MAF: variants seen among roughly 807,000 people sequenced by gnomAD.
MAF encodes MAF bZIP transcription factor.
Under a neutral mutation model 22.0 loss-of-function variants are expected in MAF, and 10 were observed. The observed-to-expected ratio is 0.45, with a 90% CI of 0.28 to 0.77. The LOEUF (loss-of-function observed/expected upper bound fraction) is 0.77. Among genes scored for constraint, MAF ranks in the 30% least tolerant of loss-of-function variants. The probability of loss-of-function intolerance (pLI) is 0.12; values close to 1 mark genes in which losing one functional copy is unlikely to be tolerated. For synonymous variants in MAF, 337 were observed against 255.8 expected (o/e 1.32, Z -3.03); for missense variants, 544 against 548.4 (o/e 0.99, Z 0.08).
Position 79,599,932 on chromosome 16 carries a change from C to A in MAF, c.-30G>T. 1 of 1,264,154 alleles carries A rather than the reference C, an allele frequency of 7.9e-7. No homozygotes were observed. 78.3% of individuals were successfully genotyped at this position (1,264,154 alleles called of 1,614,324 possible). A position where few individuals can be genotyped will look rare whatever the true frequency, so the allele number is the denominator to read the frequency against. ...CTGCCGCCGCCGCCGCCGCCGCCGC[C>A]GCTCCGCCAGATGGGCTGCAGGAGA... On this transcript the variant is annotated 5_prime_UTR_variant, in exon 1 of 2. Coordinates refer to ENST00000326043, the MANE Select transcript of MAF (RefSeq NM_005360.5).
the MAF span, among the ~76,000 whole-genome samples, chr16:79,517,670 G>A: frequency 7.0e-3 from 1,063 of 151,160 alleles, 6 homozygotes; most frequent in Non-Finnish European, 9.1e-3. Context: ...TGCCTCCTGG[G>A]TTCCAGTGAT....
At chr16:79,236,689 C>T in the MAF span, among the ~76,000 whole-genome samples, 2 of 152,010 alleles carry the variant, frequency 1.3e-5, no homozygotes, top group Non-Finnish European at 2.9e-5. Flanking sequence ...TCCTTGTCCT[C>T]TGAGTAGGCC....
At chr16:79,253,838 G>A in the MAF span, among the ~76,000 whole-genome samples, 2 of 151,918 alleles carry the variant, frequency 1.3e-5, no homozygotes, top group African/African-American at 2.4e-5. Flanking sequence ...GGATTTCTTT[G>A]TATTGCAATC....
At chr16:79,463,783 G>A in the MAF span, among the ~76,000 whole-genome samples, 1 of 151,826 alleles carries the variant, frequency 6.6e-6, no homozygotes, top group African/African-American at 2.4e-5. Context: ...AACATGCATC[G>A]ACTTTTTTTT....
At chr16:79,411,098 C>G in the MAF span, among the ~76,000 whole-genome samples, 2 of 152,176 alleles carry the variant, frequency 1.3e-5, no homozygotes, top group Admixed American at 6.5e-5. Flanking sequence ...TATTCACCAA[C>G]TCCTCCCTTG....
chr16:79,581,259 T>TA (rs1174820240), downstream of MAF, among the ~76,000 whole-genome samples: 1 of 152,180 alleles, frequency 6.6e-6, no homozygotes, highest in Admixed American at 6.5e-5. Flanking sequence ...CATGTTCGCT[T>TA]TCTCCCCCAT....
At chr16:79,241,451 A>G in the MAF span, among the ~76,000 whole-genome samples, 1 of 152,118 alleles carries the variant, frequency 6.6e-6, no homozygotes, top group East Asian at 1.9e-4. Context: ...CAGATACTGA[A>G]GATTAACTTA....
chr16:79,467,372 C>T, the MAF span, among the ~76,000 whole-genome samples: 1 of 152,224 alleles, frequency 6.6e-6, no homozygotes, highest in African/African-American at 2.4e-5. Flanking sequence ...AGCTGCTTTG[C>T]TCTCCAATGG....
the MAF span, among the ~76,000 whole-genome samples, chr16:79,468,148 C>T: frequency 2.2e-4 from 34 of 152,218 alleles, no homozygotes; most frequent in East Asian, 1.9e-3. Flanking sequence ...ATTTATTCTC[C>T]GCCATTTTCT....
At chr16:79,576,972 C>G in the MAF span, among the ~76,000 whole-genome samples, 18 of 152,250 alleles carry the variant, frequency 1.2e-4, no homozygotes, top group East Asian at 3.1e-3. Flanking sequence ...TTTATCTTCA[C>G]TATCCAGTAA....
chr16:79,225,370 A>C, the MAF span, among the ~76,000 whole-genome samples: 57 of 152,340 alleles, frequency 3.7e-4, no homozygotes, highest in Middle Eastern at 3.4e-3. Flanking sequence ...CTCAAGCTGG[A>C]TTAAAGACCT....
the MAF span, among the ~76,000 whole-genome samples, chr16:79,234,211 T>C: frequency 1.3e-5 from 2 of 152,046 alleles, no homozygotes; most frequent in African/African-American, 4.8e-5. Flanking sequence ...AGACTGCCAA[T>C]TGTGACACTT....
the MAF span, among the ~76,000 whole-genome samples, chr16:79,392,866 C>G: frequency 6.6e-6 from 1 of 152,180 alleles, no homozygotes; most frequent in Non-Finnish European, 1.5e-5. Flanking sequence ...TGGGAATCCA[C>G]TGCTGTACGG....
downstream of MAF, among the ~76,000 whole-genome samples, chr16:79,592,407 G>GA (rs1913241830): frequency 6.6e-6 from 1 of 152,220 alleles, no homozygotes; most frequent in African/African-American, 2.4e-5. Flanking sequence ...TGCCTGGAGA[G>GA]AATTCCCCTT....
the MAF span, among the ~76,000 whole-genome samples, chr16:79,575,342 T>C: frequency 6.6e-6 from 1 of 152,160 alleles, no homozygotes; most frequent in African/African-American, 2.4e-5. Flanking sequence ...ACAAGAGATA[T>C]ACACCTGACT....
the MAF span, among the ~76,000 whole-genome samples, chr16:79,552,857 A>T: frequency 6.6e-6 from 1 of 152,190 alleles, no homozygotes; most frequent in African/African-American, 2.4e-5. Flanking sequence ...CACATGAGAG[A>T]CCAGAGCTAT....
At chr16:79,485,495 C>T in the MAF span, among the ~76,000 whole-genome samples, 1 of 152,222 alleles carries the variant, frequency 6.6e-6, no homozygotes, top group African/African-American at 2.4e-5. Flanking sequence ...TTTTATCATT[C>T]TGATAACCGT....
the MAF span, among the ~76,000 whole-genome samples, chr16:79,223,788 C>T: frequency 6.6e-6 from 1 of 152,192 alleles, no homozygotes; most frequent in Middle Eastern, 3.4e-3. Flanking sequence ...TGGACATATA[C>T]ACCCTCCCAA....
At chr16:79,504,059 C>T in the MAF span, among the ~76,000 whole-genome samples, 1 of 152,154 alleles carries the variant, frequency 6.6e-6, no homozygotes, top group Non-Finnish European at 1.5e-5. Flanking sequence ...AGTTCTTCCA[C>T]TCATGTTCTT....
Sources: allele counts gnomAD v4.1 joint callset (sites outside exome capture counted in the v4.1 genomes callset), GRCh38; gene constraint gnomAD v4.1.1; transcripts MANE v1.5; gene names NCBI Gene and HGNC (gene_info 2026-07-23, HGNC 2026-07-21).